ADCY7: variants seen among roughly 807,000 people sequenced by gnomAD.
ADCY7 encodes the protein adenylate cyclase type 7.
ADCY7 carries 72 observed loss-of-function variants against 120.6 expected under a neutral mutation model. The ratio of observed to expected loss-of-function variants is 0.60; its 90% CI spans 0.49 to 0.73. ADCY7 has a LOEUF of 0.73. Ranked by LOEUF, ADCY7 falls within the 30% of genes least tolerant of loss-of-function variation. ADCY7 has a pLI of 0.00. For missense variants in ADCY7, 1,227 were observed against 1,486.0 expected, an observed-to-expected ratio of 0.83 and a Z score of 2.87; for synonymous variants, 661 against 628.0, an observed-to-expected ratio of 1.05 and a Z score of -0.78.
chr16:50,305,130 C>T (rs2035974612), intron 12 of ADCY7, among the ~76,000 whole-genome samples, 171 bp downstream of exon 12: 1 of 152,252 alleles, frequency 6.6e-6, no homozygotes, highest in Admixed American at 6.5e-5. Context: ...TTCCTGGCCC[C>T]TGGCCCTTCT....
rs987774764 is a variant in ADCY7 at position 50,311,814 on chromosome 16, C to G, written c.2448+28C>G. 4.2e-4 allele frequency: 529 copies of G among 1,256,072 alleles called. 4 individuals carry two copies. The highest frequency in any genetic ancestry group is 2.4e-3 in the East Asian group (86 of 35,336). 77.8% of individuals were successfully genotyped at this position (1,256,072 alleles called of 1,614,324 possible). A position where few individuals can be genotyped will look rare whatever the true frequency, so the allele number is the denominator to read the frequency against. The stretch of plus-strand genomic sequence containing the variant: ...AAGGAGGCTGGCCCCCCCCCCCCCC[C>G]CAAGCTCTGCCCACTTTTCCTCACC... On this transcript the variant is annotated intron_variant, in intron 20 of 25. Transcript: ENST00000673801.
chr16:50,297,370 G>A lies in ADCY7; in HGVS notation c.949-1534G>A, dbSNP rs1423924954. On this transcript the variant is annotated intron_variant, in intron 7 of 25. Transcript: ENST00000673801. This position sits in a 1 kb window ranked among gnomAD's most constrained non-coding sequence, Gnocchi z 4.4. The stretch of plus-strand genomic sequence containing the variant: ...CCGGTGGAGCAGCCGGGGGAATGTG[G>A]CCTCTCCTACATCCCCGAGAGCTGG... Among the ~76,000 whole-genome samples the A allele has an allele frequency of 6.6e-6, 1 of 152,206 alleles. No individual in the cohort carries two copies. Among genetic ancestry groups the A allele is most frequent in the Non-Finnish European group, 1.5e-5 (1 of 68,026 alleles).
Position 50,315,600 on chromosome 16 carries a change from G to T in ADCY7, c.*95G>T, listed in dbSNP as rs959743411. ...TCTCCGCCCCACGCCAATCCCAAAG[G>T]CATGCAGATGGCTGTGCATGTTGGC... On this transcript the variant is annotated 3_prime_UTR_variant, in exon 26 of 26. Transcript: ENST00000673801. 1.4e-5 allele frequency: 20 copies of T among 1,464,554 alleles called. No individual in the cohort carries two copies. The highest frequency in any genetic ancestry group is 2.8e-5 in the African/African-American group (2 of 71,482). The allele number at this position is 1,464,554 out of a possible 1,614,324, so 90.7% of individuals were successfully genotyped here.
exon 1 of ADCY7, chr16:50,246,189 G>T: frequency 6.7e-6 from 1 of 149,374 alleles, no homozygotes; most frequent in South Asian, 1.9e-4. Flanking sequence ...GCGGTGGAGC[G>T]GGAGCGCGCA....
chr16:50,314,548 A>G (rs1460167982), intron 24 of ADCY7, 142 bp downstream of exon 24: 2 of 621,752 alleles, frequency 3.2e-6, no homozygotes, highest in Non-Finnish European at 5.6e-6. Context: ...CAGTTGGACA[A>G]TTATTCTGAT....
At chr16:50,292,026 G>T (rs2035014859) in intron 4 of ADCY7, 129 bp downstream of exon 4, 2 of 1,076,128 alleles carry the variant, frequency 1.9e-6, no homozygotes, top group Non-Finnish European at 2.6e-6. Context: ...CCGCTCCAAG[G>T]CCGGGCCCTC....
At chr16:50,311,561 T>C (rs2036461054) in intron 19 of ADCY7, 132 bp from the exon 20 acceptor site, 1 of 668,172 alleles carries the variant, frequency 1.5e-6, no homozygotes, top group African/African-American at 1.8e-5. Context: ...CCCAAAGTTG[T>C]CTTGTTTTCT....
intron 14 of ADCY7, 46 bp downstream of exon 14, chr16:50,305,895 G>C: frequency 6.3e-7 from 1 of 1,593,092 alleles, no homozygotes; most frequent in Non-Finnish European, 8.6e-7. Flanking sequence ...GGGGTCTCCA[G>C]GCCTGGGGTA....
upstream of ADCY7, among the ~76,000 whole-genome samples, chr16:50,262,181 G>T (rs919696299): frequency 6.6e-6 from 1 of 151,818 alleles, no homozygotes; most frequent in African/African-American, 2.4e-5. Context: ...CCCCATTGTT[G>T]CCCAGGGTAG....
chr16:50,313,975 G>A lies in ADCY7; in HGVS notation c.2769G>A (p.Lys923=). Reference sequence around the variant, plus strand: ...GCCTGCAGCTCCTACTGAAGCCCAAGTTCAGCGGCGTGGAGAAGATCAAGA... The same window carrying A: ...GCCTGCAGCTCCTACTGAAGCCCAAATTCAGCGGCGTGGAGAAGATCAAGA... The part of the protein sequence containing the change: ...ADFDELLLKP[K]FSGVEKIKTI... The change falls in exon 23 of 26, where the codon AAG becomes AAA. Residue 923 remains lysine, a synonymous_variant. Coordinates refer to ENST00000673801, the MANE Select transcript of ADCY7 (RefSeq NM_001114.5). 6.2e-7 allele frequency: 1 copy of A among 1,613,996 alleles called. No homozygotes were observed. The highest frequency in any genetic ancestry group is 2.2e-5 in the East Asian group (1 of 44,882).
Position 50,288,233 on chromosome 16 carries a change from AGATGCGCTCTAC to A in ADCY7, c.57_68del (p.Asp19_Tyr22del), listed in dbSNP as rs1360615529. 1 of 1,551,446 alleles carries A rather than the reference AGATGCGCTCTAC, an allele frequency of 6.4e-7. No individual in the cohort carries two copies. The highest frequency in any genetic ancestry group is 8.7e-7 in the Non-Finnish European group (1 of 1,147,110). On this transcript the variant is annotated inframe_deletion, in exon 2 of 26. Coordinates refer to ENST00000673801, the MANE Select transcript of ADCY7 (RefSeq NM_001114.5). ...ACGAGGGCGAGGAGGGCCCTGACCA[AGATGCGCTCTAC>A]GAGAAGTACCAGCTCACCAGCCAGC... is the stretch of plus-strand genomic sequence containing the variant.
In ADCY7 at chr16:50,315,646, G is replaced by T; in HGVS notation, c.*141G>T. On this transcript the variant is annotated 3_prime_UTR_variant, in exon 26 of 26. Transcript: ENST00000673801. Reference sequence around the variant, plus strand: ...TTGGCTTCTTTGGACCTGCACTGGAGGATTTCTCAGACACATGCACCAGAT... The same window carrying T: ...TTGGCTTCTTTGGACCTGCACTGGATGATTTCTCAGACACATGCACCAGAT... 9.5e-7 allele frequency: 1 copy of T among 1,055,892 alleles called. No homozygotes were observed. Among genetic ancestry groups the T allele is most frequent in the Non-Finnish European group, 1.3e-6 (1 of 744,054 alleles). The allele number at this position is 1,055,892 out of a possible 1,614,324, so 65.4% of individuals were successfully genotyped here.
chr16:50,304,361 GC>G lies in ADCY7; in HGVS notation c.1372del (p.Gln458SerfsTer19). The G allele has an allele frequency of 1.3e-6, 2 of 1,513,530 alleles. No individual in the cohort carries two copies. The highest frequency in any genetic ancestry group is 1.8e-6 in the Non-Finnish European group (2 of 1,128,140). 93.8% of individuals were successfully genotyped at this position (1,513,530 alleles called of 1,614,324 possible). A position where few individuals can be genotyped will look rare whatever the true frequency, so the allele number is the denominator to read the frequency against. ...GCCCATGTCCATGTCTGCCCGCAGA[GC>G]CAGCAGCCACCCCCGCCCAGCCAAC... ...IRTYLVIDPRSQQPPPPSQHL... is the reference protein window; with the variant it reads ...IRTYLVIDPRXQQPPPPSQHL... On this transcript the variant is annotated frameshift_variant and splice_region_variant, in exon 11 of 26. Transcript: ENST00000673801. LOFTEE classifies it high-confidence loss of function.
intron 15 of ADCY7, among the ~76,000 whole-genome samples, chr16:50,307,668 C>T (rs113161166): frequency 5.3e-5 from 8 of 152,230 alleles, no homozygotes; most frequent in African/African-American, 1.7e-4. Flanking sequence ...GCCGAAGCAT[C>T]GACCAGGATT....
At chr16:50,290,370 T>A in intron 2 of ADCY7, 87 bp from the exon 3 acceptor site, 1 of 1,452,614 alleles carries the variant, frequency 6.9e-7, no homozygotes, top group East Asian at 2.3e-5. Context: ...AAGCTGTAAG[T>A]GAGGCAGCCG....
At chr16:50,306,942 A>G (rs554876703) in intron 14 of ADCY7, 108 bp from the exon 15 acceptor site, 325 of 812,134 alleles carry the variant, frequency 4.0e-4, no homozygotes, top group Non-Finnish European at 5.9e-4. Context: ...TACAAGCGTG[A>G]GCCACTGTCC....
In ADCY7 at chr16:50,312,768, C is replaced by A. The variant is rs554769463; in HGVS notation, c.2605-122C>A. 5.0e-3 allele frequency: 4,472 copies of A among 893,978 alleles called. 63 individuals carry two copies. The highest frequency in any genetic ancestry group is 6.1e-3 in the Non-Finnish European group (3,751 of 611,514). 55.4% of individuals were successfully genotyped at this position (893,978 alleles called of 1,614,324 possible). A position where few individuals can be genotyped will look rare whatever the true frequency, so the allele number is the denominator to read the frequency against. The stretch of plus-strand genomic sequence containing the variant: ...GATGAAACTCATGCAGCCCGCCCCC[C>A]TCCCCACTCCCCGAAAGCTGGGCTG... On this transcript the variant is annotated intron_variant, in intron 21 of 25. Transcript: ENST00000673801.
intron 7 of ADCY7, among the ~76,000 whole-genome samples, chr16:50,298,516 C>T (rs2035502313): frequency 6.6e-6 from 1 of 152,238 alleles, no homozygotes; most frequent in South Asian, 2.1e-4. Flanking sequence ...TAGTGCCCAC[C>T]CCTCCTGCCT....
chr16:50,314,798 C>T (rs2036706616), intron 24 of ADCY7: 3 of 573,654 alleles, frequency 5.2e-6, no homozygotes, highest in Admixed American at 5.8e-5. Context: ...AACATCAAAC[C>T]CAGACTTCTG....
Sources: gnomAD v4.1 joint callset for allele counts (sites outside exome capture counted in the v4.1 genomes callset) on GRCh38, gnomAD v4.1.1 for gene constraint, Gnocchi (gnomAD v3.1) non-coding constraint, MANE v1.5 for transcripts, NCBI Gene and HGNC (gene_info 2026-07-23, HGNC 2026-07-21) for gene names.